ODAD2: variants seen among roughly 807,000 people sequenced by gnomAD.
The protein encoded by ODAD2 is outer dynein arm docking complex subunit 2, also known as outer dynein arm-docking complex subunit 2.
ODAD2 carries 89 observed loss-of-function variants against 106.8 expected under a neutral mutation model. The ratio of observed to expected loss-of-function variants is 0.83; its 90% CI spans 0.70 to 0.99. ODAD2 has a LOEUF of 0.99. ODAD2 is among the 50% of genes least tolerant of loss of function. ODAD2 has a pLI of 0.00. For synonymous variants in ODAD2, 404 were observed against 436.2 expected (o/e 0.93, Z 0.92); for missense variants, 1,168 against 1,238.5 (o/e 0.94, Z 0.85).
chr10:27,903,102 C>T lies in ODAD2; in HGVS notation c.2610+4561G>A, dbSNP rs112021569. On this transcript the variant is annotated intron_variant, in intron 17 of 19. Coordinates refer to ENST00000305242, the MANE Select transcript of ODAD2 (RefSeq NM_018076.5). ...AGCACATCAAAAAGCTTACCCAACA[C>T]GATCAAGTCAGCTTCATCCCTGGGA... 6.3e-4 allele frequency among the ~76,000 whole-genome samples: 96 copies of T among 152,242 alleles called. 1 individual carries two copies. Among genetic ancestry groups the T allele is most frequent in the African/African-American group, 2.0e-3 (85 of 41,558 alleles).
chr10:27,826,139 G>T (rs1589759982), intron 19 of ODAD2, among the ~76,000 whole-genome samples: 1 of 152,270 alleles, frequency 6.6e-6, no homozygotes, highest in East Asian at 1.9e-4. Flanking sequence ...GGTTCTGGAG[G>T]ACGCAGAATG....
chr10:27,877,478 G>T (rs912789089), intron 17 of ODAD2, among the ~76,000 whole-genome samples: 1 of 151,278 alleles, frequency 6.6e-6, no homozygotes, highest in African/African-American at 2.4e-5. Context: ...TCAAAACCCT[G>T]CAGGTCCCTC....
chr10:27,832,981 T>C (rs913903425), intron 19 of ODAD2, among the ~76,000 whole-genome samples: 4 of 152,218 alleles, frequency 2.6e-5, no homozygotes, highest in Admixed American at 6.5e-5. Flanking sequence ...CAGTGCAATA[T>C]GGCTTTTCCA....
At chr10:27,908,430 C>T (rs1589987691) in intron 16 of ODAD2, among the ~76,000 whole-genome samples, 1 of 152,316 alleles carries the variant, frequency 6.6e-6, no homozygotes, top group South Asian at 2.1e-4. Context: ...TCTCCACCAT[C>T]TGTCTTCTGT....
intron 1 of ODAD2, chr10:27,997,464 T>C (rs1850622697): frequency 6.6e-6 from 1 of 152,202 alleles, no homozygotes; most frequent in East Asian, 1.9e-4. Context: ...TTAAATAGAT[T>C]ATGTAACGCT....
chr10:27,906,851 C>G (rs1187248990), intron 17 of ODAD2, among the ~76,000 whole-genome samples: 1 of 151,948 alleles, frequency 6.6e-6, no homozygotes, highest in African/African-American at 2.4e-5. Context: ...CATCACACAT[C>G]GGGGCCTGTC....
At chr10:27,826,157 G>C (rs1427811781) in intron 19 of ODAD2, among the ~76,000 whole-genome samples, 1 of 152,134 alleles carries the variant, frequency 6.6e-6, no homozygotes, top group Non-Finnish European at 1.5e-5. Context: ...ATGGGATCAA[G>C]AACATCAAGA....
At chr10:27,944,476 CTA>C (rs754043604) in intron 11 of ODAD2, 45 bp from the exon 12 acceptor site, 16 of 1,543,060 alleles carry the variant, frequency 1.0e-5, no homozygotes, top group Admixed American at 1.0e-4. Context: ...GTAACCCGTG[CTA>C]TGTTTTTAAA....
chr10:27,932,702 C>T (rs1236608394), intron 16 of ODAD2, among the ~76,000 whole-genome samples: 1 of 152,160 alleles, frequency 6.6e-6, no homozygotes, highest in Non-Finnish European at 1.5e-5. Context: ...TATTATCCTC[C>T]CCGAGTCTAC....
chr10:27,880,739 C>T (rs1481249159), intron 17 of ODAD2, among the ~76,000 whole-genome samples: 1 of 152,180 alleles, frequency 6.6e-6, no homozygotes, highest in Non-Finnish European at 1.5e-5. Flanking sequence ...GACACCAATG[C>T]CAGTGCCTTG....
intron 17 of ODAD2, among the ~76,000 whole-genome samples, chr10:27,877,712 A>G (rs150921485): frequency 1.3e-5 from 2 of 152,296 alleles, no homozygotes; most frequent in East Asian, 3.9e-4. Flanking sequence ...TGTCTTAAAA[A>G]CCTAGTCGTT....
At chr10:27,896,632 C>T (rs530275193) in intron 17 of ODAD2, among the ~76,000 whole-genome samples, 1 of 152,250 alleles carries the variant, frequency 6.6e-6, no homozygotes, top group East Asian at 1.9e-4. Flanking sequence ...TTGCTTGGTG[C>T]TCTAGAAATC....
At position 27,964,342 on chromosome 10, in the gene ODAD2, C is replaced by T. The variant is rs1848351795; in HGVS notation, c.1239-2627G>A. Among the ~76,000 whole-genome samples, 3 of 152,178 alleles carry T rather than the reference C, an allele frequency of 2.0e-5. No homozygotes were observed. In the South Asian group the frequency reaches 6.2e-4, roughly 32 times the overall value. On this transcript the variant is annotated intron_variant, in intron 9 of 19. Transcript: ENST00000305242. ...TAGATGAGCTGGGGTAGTCTTTTAA[C>T]TTACGTGTGCCTCGGTTTCCTCACC...
chr10:27,885,531 A>T (rs374767689), intron 17 of ODAD2, among the ~76,000 whole-genome samples: 7,880 of 14,038 alleles, frequency 0.56, 1,880 homozygotes, highest in African/African-American at 0.58. Flanking sequence ...AAAAAAAAAA[A>T]AAATATATAT....
At chr10:27,927,085 G>A (rs1487673376) in intron 16 of ODAD2, among the ~76,000 whole-genome samples, 2 of 151,962 alleles carry the variant, frequency 1.3e-5, no homozygotes, top group African/African-American at 4.8e-5. Context: ...AAGTAGTCTG[G>A]AGTACTGAAA....
chr10:27,835,010 C>G (rs1029928524), intron 19 of ODAD2, among the ~76,000 whole-genome samples: 1 of 152,202 alleles, frequency 6.6e-6, no homozygotes, highest in Non-Finnish European at 1.5e-5. Context: ...CCAGGCCCGA[C>G]AGAACACACA....
At chr10:27,939,783 A>G (rs1846255253) in intron 14 of ODAD2, 114 bp downstream of exon 14, 1 of 495,776 alleles carries the variant, frequency 2.0e-6, no homozygotes, top group African/African-American at 2.0e-5. Flanking sequence ...CAAATAAATA[A>G]ATAAAATGCA....
intron 16 of ODAD2, among the ~76,000 whole-genome samples, chr10:27,911,438 G>A (rs1238690346): frequency 1.3e-5 from 2 of 152,158 alleles, no homozygotes; most frequent in East Asian, 3.9e-4. Flanking sequence ...TGCAAATAAT[G>A]AGGACTGACT....
chr10:27,868,205 T>A (rs576005529), intron 17 of ODAD2, among the ~76,000 whole-genome samples: 1 of 152,206 alleles, frequency 6.6e-6, no homozygotes, highest in South Asian at 2.1e-4. Flanking sequence ...TGTGGAGAAA[T>A]AGGAATACTT....
Sources: gnomAD v4.1 joint callset for allele counts (sites outside exome capture counted in the v4.1 genomes callset) on GRCh38, gnomAD v4.1.1 for gene constraint, MANE v1.5 for transcripts, NCBI Gene and HGNC (gene_info 2026-07-23, HGNC 2026-07-21) for gene names.